The following SMPD4 variants were observed in gnomAD, a reference collection of about 807,000 sequenced individuals.
The protein encoded by SMPD4 is neutral sphingomyelinase 3.
In SMPD4, 58 loss-of-function variants were observed where a neutral mutation model predicts 97.8. That is an observed-to-expected ratio of 0.59 (90% CI 0.48 to 0.74). SMPD4 has a LOEUF of 0.74. SMPD4 is among the 30% of genes least tolerant of loss of function. The pLI, the probability that SMPD4 is intolerant of heterozygous loss-of-function variation, is 0.00. For missense variants in SMPD4, 853 were observed against 1,080.5 expected, an observed-to-expected ratio of 0.79 and a Z score of 2.95; for synonymous variants, 388 against 450.0, an observed-to-expected ratio of 0.86 and a Z score of 1.74.
In SMPD4 at chr2:130,171,130, C is replaced by A. The variant is rs1205453879; in HGVS notation, c.659+1219G>T. ...AACCCAAACCATATATATATAATTT[C>A]TTTTCTTTTTTTTTTTTGTGTGTGT... is the stretch of plus-strand genomic sequence containing the variant. On this transcript the variant is annotated intron_variant, in intron 8 of 19. Transcript: ENST00000680298. Among the ~76,000 whole-genome samples the A allele has an allele frequency of 1.8e-5, 2 of 108,402 alleles. 1 individual carries two copies. The highest frequency in any genetic ancestry group is 3.3e-5 in the Non-Finnish European group (2 of 59,768). The allele number at this position is 108,402 out of a possible 152,430, so 71.1% of individuals were successfully genotyped here.
intron 13 of SMPD4, 68 bp from the exon 14 acceptor site, chr2:130,156,203 A>G: frequency 7.1e-7 from 1 of 1,398,858 alleles, no homozygotes; most frequent in Non-Finnish European, 1.0e-6. Flanking sequence ...TGGAGCCCAG[A>G]TACCAGGCGG....
At chr2:130,171,114 C>CAT (rs559415709) in intron 8 of SMPD4, among the ~76,000 whole-genome samples, 1 of 146,150 alleles carries the variant, frequency 6.8e-6, no homozygotes, top group African/African-American at 2.6e-5. Flanking sequence ...AAACCCAAAC[C>CAT]ATATATATAT....
upstream of SMPD4, chr2:130,181,703 C>A (rs77887649): frequency 6.7e-5 from 104 of 1,548,328 alleles, 1 homozygote; most frequent in African/African-American, 1.0e-3. Context: ...GAAGGCCGGC[C>A]GGGCGGGGAA....
intron 12 of SMPD4, among the ~76,000 whole-genome samples, 187 bp downstream of exon 12, chr2:130,157,064 T>C (rs1159875763): frequency 6.6e-6 from 1 of 152,054 alleles, no homozygotes; most frequent in Non-Finnish European, 1.5e-5. Flanking sequence ...AGAGAGGCTC[T>C]GGGAGCCAAC....
At chr2:130,167,125 C>CTT (rs1294844094) in intron 9 of SMPD4, among the ~76,000 whole-genome samples, 1 of 144,984 alleles carries the variant, frequency 6.9e-6, no homozygotes, top group Admixed American at 6.9e-5. Flanking sequence ...TTTTCTTTTT[C>CTT]TTTTTTTTTT....
chr2:130,155,217 C>T lies in SMPD4; in HGVS notation c.1332G>A (p.Leu444=), dbSNP rs767882494. ...VQENLLMYTK[L]FVGFLNRALR... ...GCGCGCGGTTCAGAAAGCCCACAAACAACTTGGTGTACATCAGCAGGTTCT... is the reference window on the plus strand; with the variant it reads ...GCGCGCGGTTCAGAAAGCCCACAAATAACTTGGTGTACATCAGCAGGTTCT... Residue 444 remains leucine, a synonymous_variant, in exon 15 of 20, where the codon TTG becomes TTA. Transcript: ENST00000680298. The T allele has an allele frequency of 2.5e-6, 4 of 1,614,188 alleles. No individual in the cohort carries two copies. Among genetic ancestry groups the T allele is most frequent in the Non-Finnish European group, 3.4e-6 (4 of 1,180,036 alleles).
chr2:130,181,436 G>T (rs1351158914), intron 1 of SMPD4, 94 bp downstream of exon 1: 1 of 1,518,190 alleles, frequency 6.6e-7, no homozygotes, highest in African/African-American at 1.4e-5. Flanking sequence ...CCCGAGTCCT[G>T]GGGCTCGCGG....
chr2:130,166,342 G>A (rs1355343283), intron 9 of SMPD4, among the ~76,000 whole-genome samples: 1 of 147,422 alleles, frequency 6.8e-6, no homozygotes, highest in East Asian at 2.0e-4. Context: ...AAATGCTTTG[G>A]CCCAGGGAAC....
In SMPD4 at chr2:130,176,587, C is replaced by T. The variant is rs751700510; in HGVS notation, c.6G>A (p.Ala2=). Residue 2 remains alanine, a synonymous_variant, in exon 2 of 20, where the codon GCG becomes GCA. Transcript: ENST00000680298. M[A]FPHLQQPSFL... Reference sequence around the variant, plus strand: ...AGCTGGGCTGCTGCAGGTGAGGGAACGCCATAGCAGCCTCCAGTGGAGAGT... The same window carrying T: ...AGCTGGGCTGCTGCAGGTGAGGGAATGCCATAGCAGCCTCCAGTGGAGAGT... 6.3e-5 allele frequency: 101 copies of T among 1,613,262 alleles called. No individual in the cohort carries two copies. Among genetic ancestry groups the T allele is most frequent in the African/African-American group, 4.1e-4 (31 of 74,876 alleles).
rs750140493 is a variant in SMPD4 at position 130,155,206 on chromosome 2, A to G, written c.1343T>C (p.Phe448Ser). The G allele has an allele frequency of 2.5e-6, 4 of 1,614,180 alleles. No individual in the cohort carries two copies. Among genetic ancestry groups the G allele is most frequent in the Non-Finnish European group, 3.4e-6 (4 of 1,180,038 alleles). Reference sequence around the variant, plus strand: ...GTCTGTGCGGAGCGCGCGGTTCAGAAAGCCCACAAACAACTTGGTGTACAT... The same window carrying G: ...GTCTGTGCGGAGCGCGCGGTTCAGAGAGCCCACAAACAACTTGGTGTACAT... ...LLMYTKLFVGFLNRALRTDLV... is the reference protein window; with the variant it reads ...LLMYTKLFVGSLNRALRTDLV... The change falls in exon 15 of 20, where the codon TTT (phenylalanine) becomes TCT (serine). Residue 448 changes from phenylalanine (F) to serine (S), a missense_variant. Physicochemically the swap from Phe to Ser is radical, Grantham distance 155 (BLOSUM62 -2). Coordinates refer to ENST00000680298, the MANE Select transcript of SMPD4 (RefSeq NM_017951.5).
At chr2:130,177,266 A>C (rs1376496752) in intron 1 of SMPD4, among the ~76,000 whole-genome samples, 1 of 152,182 alleles carries the variant, frequency 6.6e-6, no homozygotes, top group Non-Finnish European at 1.5e-5. Context: ...CTTTTTGTAA[A>C]GATGGGGGTT....
chr2:130,172,771 G>T lies in SMPD4; in HGVS notation c.454+16C>A. 6.2e-7 allele frequency: 1 copy of T among 1,614,112 alleles called. No homozygotes were observed. Among genetic ancestry groups the T allele is most frequent in the Non-Finnish European group, 8.5e-7 (1 of 1,180,022 alleles). ...GCCACCCACAGCCTCCCTACCTCAG[G>T]GCCACCAAAGGATACTCAGGGCCAA... is the stretch of plus-strand genomic sequence containing the variant. On this transcript the variant is annotated intron_variant, in intron 6 of 19. Transcript: ENST00000680298.
Position 130,153,076 on chromosome 2 carries a change from T to C in SMPD4, c.2121A>G (p.Thr707=), listed in dbSNP as rs766299358. Residue 707 remains threonine (T), a synonymous_variant, in exon 19 of 20, where the codon ACA becomes ACG. Coordinates refer to ENST00000680298, the MANE Select transcript of SMPD4 (RefSeq NM_017951.5). ...RSYEIASLVR[T]LFRLSSAINH... The stretch of plus-strand genomic sequence containing the variant: ...TGATGGCAGACGACAGCCTAAAGAG[T>C]GTGCGGACCAAGCTGGCGATCTCAT... 178 of 1,612,528 alleles carry C rather than the reference T, an allele frequency of 1.1e-4. No individual in the cohort carries two copies. The highest frequency in any genetic ancestry group is 1.5e-4 in the Admixed American group (9 of 59,920).
chr2:130,173,034 G>A, intron 5 of SMPD4, 139 bp from the exon 6 acceptor site: 2 of 1,270,828 alleles, frequency 1.6e-6, no homozygotes, highest in South Asian at 1.5e-5. Context: ...TGGGGACAGT[G>A]CCCTGCCTCT....
At chr2:130,166,933 T>C (rs1034287270) in intron 9 of SMPD4, among the ~76,000 whole-genome samples, 1 of 152,230 alleles carries the variant, frequency 6.6e-6, no homozygotes, top group African/African-American at 2.4e-5. Flanking sequence ...ACAACTTCCA[T>C]GGACAGGGGA....
rs75048639 is a variant in SMPD4, at chr2:130,161,283, A to G, written c.865-11T>C. 47 of 1,610,528 alleles carry G rather than the reference A, an allele frequency of 2.9e-5. No individual in the cohort carries two copies. Among genetic ancestry groups the G allele is most frequent in the East Asian group, 8.9e-5 (4 of 44,774 alleles). The stretch of plus-strand genomic sequence containing the variant: ...GTGCAGAACCTCCAGCTGAGATAAG[A>G]AACAGAGAGATGCCGGAAGAGGCCG... On this transcript the variant is annotated splice_polypyrimidine_tract_variant and intron_variant, in intron 10 of 19. Transcript: ENST00000680298.
Position 130,172,752 on chromosome 2 carries a change from C to G in SMPD4, c.454+35G>C, listed in dbSNP as rs376480857. The G allele has an allele frequency of 6.2e-6, 10 of 1,614,182 alleles. No homozygotes were observed. The African/African-American group carries it at 1.3e-4, about 22-fold the overall frequency. The stretch of plus-strand genomic sequence containing the variant: ...GCTCAGTGTCAAGTGCTGGGCCACC[C>G]ACAGCCTCCCTACCTCAGGGCCACC... On this transcript the variant is annotated intron_variant, in intron 6 of 19. Transcript: ENST00000680298.
At chr2:130,167,686 G>T in intron 8 of SMPD4, 96 bp from the exon 9 acceptor site, 1 of 1,382,900 alleles carries the variant, frequency 7.2e-7, no homozygotes, top group Non-Finnish European at 9.8e-7. Context: ...ATCAACGAGA[G>T]CAGGGACAGA....
intron 14 of SMPD4, 68 bp downstream of exon 14, chr2:130,155,967 T>C: frequency 6.6e-7 from 1 of 1,521,696 alleles, no homozygotes; most frequent in South Asian, 1.2e-5. Context: ...TGGCTTGGCC[T>C]CCACCCACTG....
Sources: allele counts gnomAD v4.1 joint callset (sites outside exome capture counted in the v4.1 genomes callset), GRCh38; gene constraint gnomAD v4.1.1; transcripts MANE v1.5; gene names NCBI Gene and HGNC (gene_info 2026-07-23, HGNC 2026-07-21).